Variants in BCOR observed in about 807,000 individuals in gnomAD.
BCOR encodes BCL6 corepressor.
BCOR carries 10 observed loss-of-function variants against 86.7 expected under a neutral mutation model. That is an observed-to-expected ratio of 0.12 (90% CI 0.07 to 0.20). The LOEUF is 0.20. Ranked by LOEUF, BCOR falls within the 10% of genes least tolerant of loss-of-function variation. The probability of loss-of-function intolerance (pLI) is 1.00; values close to 1 mark genes in which losing one functional copy is unlikely to be tolerated. For missense variants in BCOR, 1,259 were observed against 1,452.1 expected (o/e 0.87, Z 2.16); for synonymous variants, 611 against 609.0 (o/e 1.00, Z -0.05).
chrX:40,139,381 TATA>T (rs1363343168), intron 1 of BCOR, among the ~76,000 whole-genome samples: 2 of 30,894 alleles, frequency 6.5e-5, no homozygotes, highest in African/African-American at 2.1e-4. Flanking sequence ...TATATATATA[TATA>T]ATATATATAC....
At chrX:40,160,918 G>A (rs1182303559) in intron 1 of BCOR, among the ~76,000 whole-genome samples, 2 of 104,742 alleles carry the variant, frequency 1.9e-5, no homozygotes, top group African/African-American at 7.0e-5. Flanking sequence ...CAGGCAATCT[G>A]CCCACCTCGG....
chrX:40,146,176 C>T (rs1938048443), intron 1 of BCOR, among the ~76,000 whole-genome samples: 1 of 112,318 alleles, frequency 8.9e-6, no homozygotes, highest in Middle Eastern at 4.6e-3. Context: ...ACAGCCCGCT[C>T]TCCGCACGGT....
intron 1 of BCOR, among the ~76,000 whole-genome samples, chrX:40,148,666 G>A (rs1201995115): frequency 9.0e-6 from 1 of 111,267 alleles, no homozygotes; most frequent in African/African-American, 3.3e-5. Context: ...TGCCTACGTG[G>A]GGCCTGACAA....
At position 40,054,092 on chromosome X, in the gene BCOR, T is replaced by C. The variant is rs781543981; in HGVS notation, c.4820-50A>G. 43 of 1,169,797 alleles carry C rather than the reference T, an allele frequency of 3.7e-5. 1 individual carries two copies. The South Asian group carries it at 7.7e-4, about 21-fold the overall frequency. ...AAGGAATCAGTAAACTACAGCAAGA[T>C]GTCCACAGTTGTCAACAACAACAAG... On this transcript the variant is annotated intron_variant, in intron 13 of 14. Coordinates refer to ENST00000378444, the MANE Select transcript of BCOR (RefSeq NM_001123385.2).
At chrX:40,147,035 G>C (rs1011107800) in intron 1 of BCOR, among the ~76,000 whole-genome samples, 1 of 111,717 alleles carries the variant, frequency 9.0e-6, no homozygotes, top group Admixed American at 9.4e-5. Flanking sequence ...CGGCCGCCTG[G>C]GGTGTTTGTA....
At chrX:40,082,395 A>G (rs1488931248) in intron 1 of BCOR, among the ~76,000 whole-genome samples, 2 of 111,439 alleles carry the variant, frequency 1.8e-5, no homozygotes, top group African/African-American at 6.5e-5. Context: ...TGCTGTCCAC[A>G]CAGGCATTGA....
intron 3 of BCOR, among the ~76,000 whole-genome samples, 197 bp from the exon 4 acceptor site, chrX:40,075,377 T>C (rs1014272506): frequency 9.0e-6 from 1 of 111,438 alleles, no homozygotes; most frequent in Admixed American, 9.5e-5. Flanking sequence ...GCCTGCCTTC[T>C]CACCTCTCAA....
In BCOR at chrX:40,120,065, T is replaced by C. The variant is rs949062119; in HGVS notation, c.-40-42096A>G. Among the ~76,000 whole-genome samples, 15 of 99,339 alleles carry C rather than the reference T, an allele frequency of 1.5e-4. No individual in the cohort carries two copies. The East Asian group carries it at 5.0e-3, about 33-fold the overall frequency. The allele number at this position is 99,339 out of a possible 115,157, so 86.3% of individuals were successfully genotyped here. On this transcript the variant is annotated intron_variant, in intron 1 of 14. Transcript: ENST00000342274. ...AGTTGGGGCGGGGGGAGGAGCGGGGTGAGAGTGATGCGCCAGGCAGATGTG... is the reference window on the plus strand; with the variant it reads ...AGTTGGGGCGGGGGGAGGAGCGGGGCGAGAGTGATGCGCCAGGCAGATGTG...
At chrX:40,137,920 G>C (rs1228523363) in intron 1 of BCOR, among the ~76,000 whole-genome samples, 1 of 111,515 alleles carries the variant, frequency 9.0e-6, no homozygotes. Flanking sequence ...GGCTATAAAA[G>C]GGAAGTGGAC....
At chrX:40,107,199 G>A (rs1937206520) in intron 1 of BCOR, among the ~76,000 whole-genome samples, 1 of 111,812 alleles carries the variant, frequency 8.9e-6, no homozygotes. Context: ...TAGGATCTAG[G>A]GCGAAAGCGG....
At chrX:40,102,753 A>G (rs756266207), upstream of BCOR, among the ~76,000 whole-genome samples, 2 of 113,651 alleles carry the variant, frequency 1.8e-5, no homozygotes, top group South Asian at 7.1e-4. Flanking sequence ...GGAGGGGTAG[A>G]GAAGGCTCTG....
chrX:40,081,986 G>A (rs890550344), intron 1 of BCOR, among the ~76,000 whole-genome samples: 47 of 112,759 alleles, frequency 4.2e-4, no homozygotes, highest in Admixed American at 1.3e-3. Context: ...ACATAGGAGA[G>A]CTTGGGTCAC....
intron 1 of BCOR, among the ~76,000 whole-genome samples, chrX:40,086,640 A>G (rs752355802): frequency 2.6e-5 from 3 of 113,866 alleles, no homozygotes; most frequent in Non-Finnish European, 5.6e-5. Context: ...CAGCTCGTCC[A>G]TGGGCCTGCA....
At chrX:40,112,662 C>T (rs1161403784) in intron 1 of BCOR, among the ~76,000 whole-genome samples, 1 of 111,656 alleles carries the variant, frequency 9.0e-6, no homozygotes, top group Non-Finnish European at 1.9e-5. Context: ...GTAATCCACC[C>T]GCCTCTGCCT....
rs1935605124 is a variant in BCOR at position 40,073,622 on chromosome X, T to C, written c.1724A>G (p.Asn575Ser). Reference sequence around the variant, plus strand: ...GGTTTTGGTGCCATCTGCATTGGCATTGGGGGCGGGTGATGCGGAGGCTGG... The same window carrying C: ...GGTTTTGGTGCCATCTGCATTGGCACTGGGGGCGGGTGATGCGGAGGCTGG... ...GRPASASPAP[N>S]ANADGTKTSR... is the part of the protein sequence containing the mutation. The change falls in exon 4 of 15, where the codon AAT becomes AGT. Residue 575 changes from asparagine (N) to serine (S), a missense_variant. Asn to Ser is a conservative substitution (Grantham distance 46). Coordinates refer to ENST00000378444, the MANE Select transcript of BCOR (RefSeq NM_001123385.2). The C allele has an allele frequency of 8.3e-7, 1 of 1,211,069 alleles. No homozygotes were observed.
Position 40,074,385 on chromosome X carries a change from C to A in BCOR, c.961G>T (p.Val321Phe), listed in dbSNP as rs750773978. 1 of 1,210,910 alleles carries A rather than the reference C, an allele frequency of 8.3e-7. No individual in the cohort carries two copies. Among genetic ancestry groups the A allele is most frequent in the Non-Finnish European group, 1.1e-6 (1 of 895,006 alleles). The stretch of plus-strand genomic sequence containing the variant: ...GTGTCCCCCGGCAGGCCACTGGTGA[C>A]CGCCTTGGCAGAGGGAACCCTGGGC... ...KQPRVPSAKAVTSGLPGDTAL... is the reference protein window; with the variant it reads ...KQPRVPSAKAFTSGLPGDTAL... Residue 321 changes from valine to phenylalanine, a missense_variant, in exon 4 of 15, where the codon GTC becomes TTC. Val to Phe is a conservative substitution (Grantham distance 50). Transcript: ENST00000378444.
Position 40,064,554 on chromosome X carries a change from G to A in BCOR, c.3284C>T (p.Pro1095Leu). The change falls in exon 7 of 15, where the codon CCA (proline) becomes CTA (leucine). Residue 1095 changes from proline to leucine, a missense_variant. Transcript: ENST00000378444. ...GNKHRDPFEA[P>L]EDKDLPVEKY... ...CTCCACAGGAAGATCTTTGTCCTCT[G>A]GGGCTTCAAAGGGATCACGGTGCTT... 8.3e-7 allele frequency: 1 copy of A among 1,211,838 alleles called. No homozygotes were observed. The highest frequency in any genetic ancestry group is 2.2e-5 in the Admixed American group (1 of 46,098).
At chrX:40,129,677 G>A (rs1490578259) in intron 1 of BCOR, among the ~76,000 whole-genome samples, 2 of 108,180 alleles carry the variant, frequency 1.8e-5, no homozygotes, top group Admixed American at 9.9e-5. Flanking sequence ...GGAGGTGGGG[G>A]TTGGGGTATG....
chrX:40,140,087 T>G (rs374637887), intron 1 of BCOR, among the ~76,000 whole-genome samples: 1 of 110,330 alleles, frequency 9.1e-6, no homozygotes, highest in East Asian at 2.8e-4. Context: ...GCTGGGAGTA[T>G]GAGGGAGTCT....
Sources: allele counts gnomAD v4.1 joint callset (sites outside exome capture counted in the v4.1 genomes callset), GRCh38; gene constraint gnomAD v4.1.1; transcripts MANE v1.5; gene names NCBI Gene and HGNC (gene_info 2026-07-23, HGNC 2026-07-21).